The following BAIAP2 variants were observed in gnomAD, a reference collection of about 807,000 sequenced individuals.
The protein encoded by BAIAP2 is BAR/IMD domain-containing adapter protein 2.
A neutral mutation model predicts 63.0 loss-of-function variants in BAIAP2; 18 were observed. The ratio of observed to expected loss-of-function variants is 0.29; its 90% CI spans 0.20 to 0.42. The LOEUF is 0.42. BAIAP2 is among the 10% of genes least tolerant of loss of function. The pLI is 1.00. For missense variants in BAIAP2, 610 were observed against 734.3 expected (o/e 0.83, Z 1.96); for synonymous variants, 386 against 307.6 (o/e 1.25, Z -2.67).
chr17:81,054,467 C>A (rs1163515923), intron 2 of BAIAP2, among the ~76,000 whole-genome samples: 2 of 152,144 alleles, frequency 1.3e-5, no homozygotes. Context: ...AAGGTGTAGC[C>A]CATGCATTCT....
At chr17:81,101,784 A>T (rs1298738392) in intron 7 of BAIAP2, among the ~76,000 whole-genome samples, 1 of 152,212 alleles carries the variant, frequency 6.6e-6, no homozygotes, top group Non-Finnish European at 1.5e-5. Flanking sequence ...GCAGGCAAGG[A>T]CAGCAGCAGC....
chr17:81,093,980 G>A (rs2057244894), intron 6 of BAIAP2, among the ~76,000 whole-genome samples: 1 of 136,344 alleles, frequency 7.3e-6, no homozygotes, highest in South Asian at 2.2e-4. Flanking sequence ...ATGTTTCTCT[G>A]GAGTAACATC....
intron 2 of BAIAP2, among the ~76,000 whole-genome samples, chr17:81,055,881 A>G (rs1459899250): frequency 2.0e-5 from 3 of 152,054 alleles, no homozygotes; most frequent in East Asian, 3.9e-4. Flanking sequence ...CAGGGTTTTC[A>G]TGACAGTGGA....
At chr17:81,058,032 G>GTCC (rs2049921622) in intron 3 of BAIAP2, 65 bp downstream of exon 3, 1 of 1,274,896 alleles carries the variant, frequency 7.8e-7, no homozygotes, top group East Asian at 2.6e-5. Flanking sequence ...CTGGGGCCCT[G>GTCC]TCCTGTGTCC....
chr17:81,089,626 G>T (rs915860912), intron 6 of BAIAP2, among the ~76,000 whole-genome samples: 1 of 152,028 alleles, frequency 6.6e-6, no homozygotes, highest in Admixed American at 6.5e-5. Context: ...TCCGCAGGAG[G>T]GCAGGCGGAG....
chr17:81,035,296 A>C lies in BAIAP2; in HGVS notation c.42A>C (p.Glu14Asp), dbSNP rs2046048077. ...CAGAGGAGATGCACCGGCTCACGGA[A>C]AATGTCTATAAGGTGAGCGCCCCCC... ...SRSEEMHRLT[E>D]NVYKTIMEQF... The change falls in exon 1 of 14, where the codon GAA becomes GAC. Residue 14 changes from glutamate (E) to aspartate (D), a missense_variant. Coordinates refer to ENST00000428708, the MANE Select transcript of BAIAP2 (RefSeq NM_001144888.2). 1 of 1,505,066 alleles carries C rather than the reference A, an allele frequency of 6.6e-7. No homozygotes were observed. 93.2% of individuals were successfully genotyped at this position (1,505,066 alleles called of 1,614,324 possible).
intron 1 of BAIAP2, 58 bp downstream of exon 1, chr17:81,035,366 G>T (rs2046067872): frequency 2.7e-6 from 3 of 1,104,730 alleles, no homozygotes; most frequent in Non-Finnish European, 3.4e-6. Flanking sequence ...GTCGCGCGCC[G>T]CCCGCGCGCC....
chr17:81,103,551 C>T lies in BAIAP2; in HGVS notation c.692C>T (p.Ala231Val), dbSNP rs866376390. 1.3e-6 allele frequency: 2 copies of T among 1,597,062 alleles called. No individual in the cohort carries two copies. Among genetic ancestry groups the T allele is most frequent in the South Asian group, 1.1e-5 (1 of 90,158 alleles). The change falls in exon 8 of 14, where the codon GCC becomes GTC. Residue 231 changes from alanine to valine, a missense_variant. By Grantham distance (64) the Ala-to-Val change is moderately conservative (BLOSUM62 0). Coordinates refer to ENST00000428708, the MANE Select transcript of BAIAP2 (RefSeq NM_001144888.2). ...CTGCCGCTGTGGCAACAGGCCTGTG[C>T]CGACCCCAGCAAGATCCCGGAGCGC... is the stretch of plus-strand genomic sequence containing the variant. ...QKLPLWQQAC[A>V]DPSKIPERAV...
Position 81,116,583 on chromosome 17 carries a change from C to T in BAIAP2, c.*744C>T, listed in dbSNP as rs866638973. On this transcript the variant is annotated 3_prime_UTR_variant, in exon 14 of 14. Transcript: ENST00000428708. Reference sequence around the variant, plus strand: ...TATGCGGGGTCACCAGCAGAGTGCCCGCTGGCAGGTGGGGGCTTCCCCGCT... The same window carrying T: ...TATGCGGGGTCACCAGCAGAGTGCCTGCTGGCAGGTGGGGGCTTCCCCGCT... 5.4e-5 allele frequency: 26 copies of T among 478,656 alleles called. No individual in the cohort carries two copies. Among genetic ancestry groups the T allele is most frequent in the East Asian group, 2.1e-4 (6 of 28,662 alleles). The allele number at this position is 478,656 out of a possible 1,614,324, so 29.7% of individuals were successfully genotyped here. A position where few individuals can be genotyped will look rare whatever the true frequency, so the allele number is the denominator to read the frequency against.
In BAIAP2 at chr17:81,115,752, C is replaced by T. The variant is rs751772802; in HGVS notation, c.1536-18C>T. The T allele has an allele frequency of 1.9e-6, 3 of 1,613,376 alleles. No homozygotes were observed. The African/African-American group carries it at 4.0e-5, about 22-fold the overall frequency. On this transcript the variant is annotated intron_variant, in intron 13 of 13. Transcript: ENST00000428708. ...TGGCTTCCGCCCTAAAAATTAAAAC[C>T]ACGTTTTTCTCTTTCAGGAATCCCT...
intron 3 of BAIAP2, among the ~76,000 whole-genome samples, chr17:81,071,798 G>A (rs922850795): frequency 6.6e-6 from 1 of 152,252 alleles, no homozygotes; most frequent in Non-Finnish European, 1.5e-5. Context: ...TGCCATCCGA[G>A]CTCTGTCCAG....
intron 3 of BAIAP2, among the ~76,000 whole-genome samples, chr17:81,082,327 T>C (rs113490917): frequency 4.6e-5 from 7 of 152,186 alleles, no homozygotes; most frequent in Non-Finnish European, 1.0e-4. Context: ...CGCACACATA[T>C]GTGATACCTC....
At chr17:81,080,454 GGCTGGGGGCTCGGGCTGGCGGGGAT>G (rs1380562443) in intron 3 of BAIAP2, among the ~76,000 whole-genome samples, 2 of 152,264 alleles carry the variant, frequency 1.3e-5, no homozygotes, top group Admixed American at 6.5e-5. Flanking sequence ...CACATTGTGG[GGCTGGGGGCTCGGGCTGGCGGGGAT>G]GCTGGGGTGC....
intron 1 of BAIAP2, among the ~76,000 whole-genome samples, chr17:81,043,706 C>G (rs985024158): frequency 6.6e-6 from 1 of 151,926 alleles, no homozygotes; most frequent in African/African-American, 2.4e-5. Context: ...GTGTGCGGGT[C>G]CTGGGTGTCC....
At chr17:81,081,819 G>C (rs377623091) in intron 3 of BAIAP2, among the ~76,000 whole-genome samples, 7 of 152,244 alleles carry the variant, frequency 4.6e-5, no homozygotes, top group African/African-American at 1.7e-4. Flanking sequence ...CCTCCTGACC[G>C]CAGTGCAGCC....
chr17:81,107,602 G>A (rs1260191787), intron 12 of BAIAP2: 10 of 152,418 alleles, frequency 6.6e-5, no homozygotes, highest in African/African-American at 2.4e-4. Flanking sequence ...GTCTGTCTGG[G>A]GCTCCTCAGC....
chr17:81,114,226 G>A (rs2146205869), intron 13 of BAIAP2, among the ~76,000 whole-genome samples: 2 of 145,846 alleles, frequency 1.4e-5, no homozygotes, highest in Middle Eastern at 7.2e-3. Flanking sequence ...CTCCTGCTTT[G>A]GCCTCTCAGA....
In BAIAP2 at chr17:81,057,973, A is replaced by ACCCCCCCCCCCC. The variant is rs60972273; in HGVS notation, c.217+11_217+22dup. The ACCCCCCCCCCCC allele has an allele frequency of 1.1e-4, 82 of 765,846 alleles. 9 individuals are homozygous for ACCCCCCCCCCCC. Among genetic ancestry groups the ACCCCCCCCCCCC allele is most frequent in the African/African-American group, 4.4e-4 (10 of 22,742 alleles). The allele number at this position is 765,846 out of a possible 1,614,324, so 47.4% of individuals were successfully genotyped here. Reference sequence around the variant, plus strand: ...CCAGGGCTCCAAAGAACTCGGTGAGACCCCCCCCCCCCCCCCGCCTGGTAG... The same window carrying ACCCCCCCCCCCC: ...CCAGGGCTCCAAAGAACTCGGTGAGACCCCCCCCCCCCCCCCCCCCCCCCCCCCGCCTGGTAG... On this transcript the variant is annotated splice_region_variant and intron_variant, in intron 3 of 13. Transcript: ENST00000428708.
intron 10 of BAIAP2, chr17:81,105,013 A>ACGGCAGGGATCTCCCCCAC: frequency 3.3e-6 from 1 of 298,520 alleles, no homozygotes; most frequent in Non-Finnish European, 6.4e-6. Context: ...ATCTCCCCCA[A>ACGGCAGGGATCTCCCCCAC]TGGCAGGTAT....
Sources: gnomAD v4.1 joint callset for allele counts (sites outside exome capture counted in the v4.1 genomes callset) on GRCh38, gnomAD v4.1.1 for gene constraint, MANE v1.5 for transcripts, NCBI Gene and HGNC (gene_info 2026-07-23, HGNC 2026-07-21) for gene names.